The following PPFIA2 variants were observed in gnomAD, a reference collection of about 807,000 sequenced individuals.
PPFIA2 encodes the protein PPFI scaffold protein A2, also known as liprin-alpha-2.
Under a neutral mutation model 175.5 loss-of-function variants are expected in PPFIA2, and 46 were observed. The observed-to-expected ratio is 0.26, with a 90% CI of 0.21 to 0.34. PPFIA2 has a LOEUF of 0.34. Ranked by LOEUF, PPFIA2 falls within the 10% of genes least tolerant of loss-of-function variation. The probability of loss-of-function intolerance (pLI) is 1.00; values close to 1 mark genes in which losing one functional copy is unlikely to be tolerated. For missense variants in PPFIA2, 1,179 were observed against 1,506.1 expected (o/e 0.78, Z 3.60); for synonymous variants, 568 against 511.4 (o/e 1.11, Z -1.49).
intron 4 of PPFIA2, among the ~76,000 whole-genome samples, chr12:81,489,965 A>G (rs1303465640): frequency 3.3e-5 from 5 of 151,732 alleles, no homozygotes; most frequent in Non-Finnish European, 5.9e-5. Context: ...CCATCTATCT[A>G]TTTTTCTATC....
At chr12:81,625,643 A>C (rs905167909) in intron 4 of PPFIA2, among the ~76,000 whole-genome samples, 1 of 151,776 alleles carries the variant, frequency 6.6e-6, no homozygotes, top group African/African-American at 2.4e-5. Flanking sequence ...AACCTGAAAG[A>C]AAAGATTCTT....
At chr12:81,384,661 A>T (rs1024105096) in intron 8 of PPFIA2, among the ~76,000 whole-genome samples, 1 of 152,000 alleles carries the variant, frequency 6.6e-6, no homozygotes, top group African/African-American at 2.4e-5. Flanking sequence ...CAATTTTAAA[A>T]TTTTTCTTCA....
chr12:81,277,538 T>C (rs2040847227), intron 27 of PPFIA2, 124 bp from the exon 28 acceptor site: 2 of 1,006,868 alleles, frequency 2.0e-6, no homozygotes, highest in South Asian at 7.6e-5. Context: ...ATAAATTACA[T>C]TTGCAGCCAA....
chr12:81,417,555 G>A lies in PPFIA2; in HGVS notation c.646-11652C>T, dbSNP rs908566649. Among the ~76,000 whole-genome samples, 9 of 150,818 alleles carry A rather than the reference G, an allele frequency of 6.0e-5. No individual in the cohort carries two copies. The Admixed American group carries it at 6.0e-4, about 10-fold the overall frequency. ...CTTGCATATAACAAAGCAAGCTAGG[G>A]CAATAAAAAGGATTTATTCATTTAG... On this transcript the variant is annotated intron_variant, in intron 7 of 32. Coordinates refer to ENST00000549396, the MANE Select transcript of PPFIA2 (RefSeq NM_003625.5).
intron 22 of PPFIA2, among the ~76,000 whole-genome samples, chr12:81,306,761 C>T (rs963670643): frequency 2.6e-5 from 4 of 151,728 alleles, no homozygotes; most frequent in Admixed American, 6.6e-5. Flanking sequence ...AGGGTGGTCT[C>T]GAACTCCTGG....
chr12:81,320,329 T>C (rs960023605), intron 22 of PPFIA2, among the ~76,000 whole-genome samples: 2 of 151,946 alleles, frequency 1.3e-5, no homozygotes, highest in African/African-American at 4.8e-5. Context: ...AACATAAAGA[T>C]TTATTGGTAG....
intron 3 of PPFIA2, among the ~76,000 whole-genome samples, chr12:81,745,669 A>T (rs988028459): frequency 2.6e-5 from 4 of 152,118 alleles, no homozygotes; most frequent in African/African-American, 9.7e-5. Flanking sequence ...AGCTCCCCTC[A>T]TGAGGACCGC....
intron 4 of PPFIA2, among the ~76,000 whole-genome samples, chr12:81,598,826 A>G (rs187606225): frequency 2.0e-5 from 3 of 152,112 alleles, no homozygotes; most frequent in African/African-American, 7.2e-5. Flanking sequence ...TGTCATGAAT[A>G]CGAATGAAAT....
intron 4 of PPFIA2, among the ~76,000 whole-genome samples, chr12:81,676,380 T>C (rs1037211558): frequency 6.6e-6 from 1 of 151,960 alleles, no homozygotes; most frequent in African/African-American, 2.4e-5. Flanking sequence ...GGAAGCTTCC[T>C]GAATTAAGTA....
At chr12:81,466,607 C>A (rs1440850717) in intron 4 of PPFIA2, among the ~76,000 whole-genome samples, 1 of 152,042 alleles carries the variant, frequency 6.6e-6, no homozygotes, top group Non-Finnish European at 1.5e-5. Context: ...ATATAGAGAG[C>A]TGCCCCAGGT....
chr12:81,702,301 T>A (rs1438124763), intron 3 of PPFIA2, among the ~76,000 whole-genome samples: 2 of 152,138 alleles, frequency 1.3e-5, no homozygotes, highest in Non-Finnish European at 1.5e-5. Context: ...CTTGGTCCAT[T>A]TTCTTTCCCC....
At chr12:81,303,976 T>C (rs1403804732) in intron 22 of PPFIA2, among the ~76,000 whole-genome samples, 1 of 152,188 alleles carries the variant, frequency 6.6e-6, no homozygotes, top group Admixed American at 6.5e-5. Context: ...TTAGCGATTG[T>C]TGTTGTGGTC....
intron 3 of PPFIA2, among the ~76,000 whole-genome samples, chr12:81,732,329 T>C (rs897641002): frequency 6.6e-6 from 1 of 151,430 alleles, no homozygotes; most frequent in African/African-American, 2.4e-5. Flanking sequence ...GCAGTAAAAA[T>C]ACCGCATAAA....
intron 4 of PPFIA2, among the ~76,000 whole-genome samples, chr12:81,531,824 C>A (rs1358928369): frequency 1.3e-5 from 2 of 151,600 alleles, no homozygotes; most frequent in African/African-American, 4.8e-5. Flanking sequence ...GAGATGAACT[C>A]AAAGGCTTTA....
intron 4 of PPFIA2, among the ~76,000 whole-genome samples, chr12:81,663,996 C>G (rs1042907483): frequency 6.6e-6 from 1 of 152,120 alleles, no homozygotes; most frequent in Admixed American, 6.5e-5. Context: ...ACTTAGAAAG[C>G]TGAAACTGGA....
intron 22 of PPFIA2, among the ~76,000 whole-genome samples, chr12:81,309,714 G>T (rs775559266): frequency 6.6e-6 from 1 of 151,910 alleles, no homozygotes; most frequent in Admixed American, 6.6e-5. Context: ...TATTTAAACC[G>T]TTTATCTTCA....
chr12:81,582,246 T>C (rs2074527399), intron 4 of PPFIA2, among the ~76,000 whole-genome samples: 1 of 151,908 alleles, frequency 6.6e-6, no homozygotes, highest in South Asian at 2.1e-4. Flanking sequence ...AATCAAAGAG[T>C]CTTGCTTTTG....
intron 9 of PPFIA2, among the ~76,000 whole-genome samples, chr12:81,380,855 G>A (rs927924147): frequency 3.3e-5 from 5 of 152,048 alleles, no homozygotes; most frequent in Non-Finnish European, 4.4e-5. Flanking sequence ...TAATACACCC[G>A]TAATAGTTTT....
At chr12:81,555,184 A>T (rs1419726058) in intron 4 of PPFIA2, among the ~76,000 whole-genome samples, 1 of 151,960 alleles carries the variant, frequency 6.6e-6, no homozygotes, top group African/African-American at 2.4e-5. Flanking sequence ...AAACACACAC[A>T]TGCTTCTAAA....
Sources: gnomAD v4.1 joint callset for allele counts (sites outside exome capture counted in the v4.1 genomes callset) on GRCh38, gnomAD v4.1.1 for gene constraint, MANE v1.5 for transcripts, NCBI Gene and HGNC (gene_info 2026-07-23, HGNC 2026-07-21) for gene names.